Variants in CLCA1 observed in about 807,000 individuals in gnomAD.
CLCA1 encodes calcium-activated chloride channel regulator 1.
In CLCA1, 59 loss-of-function variants were observed where a neutral mutation model predicts 85.6. The ratio of observed to expected loss-of-function variants is 0.69; its 90% CI spans 0.56 to 0.86. The LOEUF is 0.86. Among genes scored for constraint, CLCA1 ranks in the 40% least tolerant of loss-of-function variants. The pLI, the probability that CLCA1 is intolerant of heterozygous loss-of-function variation, is 0.00. For synonymous variants in CLCA1, 396 were observed against 398.3 expected (o/e 0.99, Z 0.07); for missense variants, 1,022 against 1,101.4 (o/e 0.93, Z 1.02).
intron 4 of CLCA1, among the ~76,000 whole-genome samples, chr1:86,479,978 AAGAT>A (rs1647774841): frequency 6.6e-6 from 1 of 152,224 alleles, no homozygotes; most frequent in Admixed American, 6.5e-5. Flanking sequence ...TCTGTGAAGA[AAGAT>A]AGGATTTCTT....
At chr1:86,474,433 A>T (rs570051639) in intron 3 of CLCA1, among the ~76,000 whole-genome samples, 57 of 152,200 alleles carry the variant, frequency 3.7e-4, no homozygotes, top group Admixed American at 9.8e-4. Flanking sequence ...GGACGCCTGT[A>T]GTCCCAGCTA....
chr1:86,487,037 C>A (rs577533001), intron 7 of CLCA1, among the ~76,000 whole-genome samples: 1 of 152,310 alleles, frequency 6.6e-6, no homozygotes, highest in East Asian at 1.9e-4. Context: ...TCCAGTTTCC[C>A]ATGTGGCAGC....
At chr1:86,476,782 C>CCT (rs146043808) in intron 4 of CLCA1, among the ~76,000 whole-genome samples, 3 of 151,010 alleles carry the variant, frequency 2.0e-5, no homozygotes, top group Non-Finnish European at 4.4e-5. Context: ...CTCCTTTTTT[C>CCT]TTTTTTTTTA....
chr1:86,498,751 G>C lies in CLCA1; in HGVS notation c.2293G>C (p.Gly765Arg), dbSNP rs201131437. 1 of 1,613,940 alleles carries C rather than the reference G, an allele frequency of 6.2e-7. No homozygotes were observed. Among genetic ancestry groups the C allele is most frequent in the Non-Finnish European group, 8.5e-7 (1 of 1,180,028 alleles). The change falls in exon 13 of 14, where the codon GGG (glycine) becomes CGG (arginine). Residue 765 changes from glycine to arginine, a missense_variant. Coordinates refer to ENST00000394711, the MANE Select transcript of CLCA1 (RefSeq NM_001285.4). Reference sequence around the variant, plus strand: ...CACCGACCTGAAGGCGGAAATTCACGGGGGCAGTCTCATTAATCTGACTTG... The same window carrying C: ...CACCGACCTGAAGGCGGAAATTCACCGGGGCAGTCTCATTAATCTGACTTG... Reference protein sequence around the residue: ...QITDLKAEIHGGSLINLTWTA... With the variant: ...QITDLKAEIHRGSLINLTWTA...
At chr1:86,486,435 A>G in intron 6 of CLCA1, 91 bp from the exon 7 acceptor site, 1 of 1,145,056 alleles carries the variant, frequency 8.7e-7, no homozygotes, top group East Asian at 2.4e-5. Context: ...GCTCTACATT[A>G]AGGCAGCCAC....
At chr1:86,470,687 C>G (rs2734711) in intron 1 of CLCA1, among the ~76,000 whole-genome samples, 1 of 152,162 alleles carries the variant, frequency 6.6e-6, no homozygotes, top group Non-Finnish European at 1.5e-5. Flanking sequence ...TCATTTCCTT[C>G]TCTGTAACAA....
intron 7 of CLCA1, among the ~76,000 whole-genome samples, chr1:86,488,002 G>A (rs774621755): frequency 2.6e-5 from 4 of 152,206 alleles, no homozygotes; most frequent in Non-Finnish European, 5.9e-5. Flanking sequence ...CTTTGACACA[G>A]CAACAGCAAC....
intron 1 of CLCA1, among the ~76,000 whole-genome samples, chr1:86,469,501 C>T (rs1045934194): frequency 3.3e-5 from 5 of 152,192 alleles, no homozygotes; most frequent in Admixed American, 1.3e-4. Context: ...ACCCTTGGCA[C>T]GAGTCAGACT....
intron 9 of CLCA1, among the ~76,000 whole-genome samples, chr1:86,492,193 T>A (rs1648149784): frequency 6.6e-6 from 1 of 152,188 alleles, no homozygotes; most frequent in Non-Finnish European, 1.5e-5. Flanking sequence ...TGTCAAAGCC[T>A]AATAATGAGA....
intron 4 of CLCA1, among the ~76,000 whole-genome samples, chr1:86,480,773 A>T (rs1024901437): frequency 2.0e-5 from 3 of 152,254 alleles, no homozygotes; most frequent in African/African-American, 7.2e-5. Context: ...AAGCTCTCAC[A>T]GATGGTTGTT....
intron 5 of CLCA1, among the ~76,000 whole-genome samples, chr1:86,484,291 G>T (rs190857946): frequency 6.6e-6 from 1 of 152,338 alleles, no homozygotes; most frequent in East Asian, 1.9e-4. Flanking sequence ...AGGAGGAAGA[G>T]TAGAAAATGG....
intron 1 of CLCA1, among the ~76,000 whole-genome samples, chr1:86,472,026 GT>G (rs111327696): frequency 6.1e-5 from 9 of 148,720 alleles, no homozygotes; most frequent in South Asian, 4.3e-4. Context: ...TTACATTTTT[GT>G]TTTTTTTTTC....
At chr1:86,495,232 T>A (rs1456539522) in intron 11 of CLCA1, among the ~76,000 whole-genome samples, 1 of 152,204 alleles carries the variant, frequency 6.6e-6, no homozygotes, top group Non-Finnish European at 1.5e-5. Context: ...TATTGAGTAG[T>A]TACCTTGTGC....
At position 86,488,376 on chromosome 1, in the gene CLCA1, A is replaced by C. The variant is rs2753336; in HGVS notation, c.1183-620A>C. ...TATCCTGTCTATACCATATAAAAAA[A>C]TAAATAAATAATCCAAATATACCAG... On this transcript the variant is annotated intron_variant, in intron 7 of 13. Transcript: ENST00000394711. Among the ~76,000 whole-genome samples, 462 of 152,352 alleles carry C rather than the reference A, an allele frequency of 3.0e-3. 1 individual carries two copies. Among genetic ancestry groups the C allele is most frequent in the African/African-American group, 0.011 (437 of 41,580 alleles).
At chr1:86,470,396 A>G (rs1647470075) in intron 1 of CLCA1, among the ~76,000 whole-genome samples, 1 of 152,134 alleles carries the variant, frequency 6.6e-6, no homozygotes, top group Admixed American at 6.5e-5. Context: ...ATTGTTTCTA[A>G]ATTTGGAAGT....
rs564366764 is a variant in CLCA1 at position 86,475,006 on chromosome 1, G to C, written c.451+1130G>C. Among the ~76,000 whole-genome samples, 5 of 152,144 alleles carry C rather than the reference G, an allele frequency of 3.3e-5. No homozygotes were observed. In the South Asian group the frequency reaches 1.0e-3, roughly 32 times the overall value. ...CCCCAAACACACTAGAGCGCTTAAA[G>C]ACCTGGTCAAAAGGATGTGTCAAGC... On this transcript the variant is annotated intron_variant, in intron 3 of 13. Coordinates refer to ENST00000394711, the MANE Select transcript of CLCA1 (RefSeq NM_001285.4).
At chr1:86,499,534 G>T in intron 13 of CLCA1, 120 bp from the exon 14 acceptor site, 1 of 641,264 alleles carries the variant, frequency 1.6e-6, no homozygotes, top group East Asian at 2.7e-5. Context: ...ACCTTATGGG[G>T]TGATGATATA....
rs1168265896 is a variant in CLCA1 at position 86,498,801 on chromosome 1, C to A, written c.2343C>A (p.Asp781Glu). The A allele has an allele frequency of 1.7e-5, 27 of 1,613,398 alleles. No individual in the cohort carries two copies. The highest frequency in any genetic ancestry group is 2.3e-5 in the Non-Finnish European group (27 of 1,179,586). ...GGACAGCTCCTGGGGATGATTATGA[C>A]CATGGAACAGGTAAGCTGAACCTGG... The part of the protein sequence containing the change: ...LTWTAPGDDY[D>E]HGTAHKYIIR... Residue 781 changes from aspartate (D) to glutamate (E), a missense_variant, in exon 13 of 14, where the codon GAC (aspartate) becomes GAA (glutamate). Transcript: ENST00000394711.
chr1:86,470,181 G>C (rs1340525119), intron 1 of CLCA1, among the ~76,000 whole-genome samples: 1 of 152,110 alleles, frequency 6.6e-6, no homozygotes, highest in African/African-American at 2.4e-5. Context: ...AATATAGAAA[G>C]ATAATGTTTG....
Sources: gnomAD v4.1 joint callset for allele counts (sites outside exome capture counted in the v4.1 genomes callset) on GRCh38, gnomAD v4.1.1 for gene constraint, MANE v1.5 for transcripts, NCBI Gene and HGNC (gene_info 2026-07-23, HGNC 2026-07-21) for gene names.